Variants in GRIN3A observed in about 807,000 individuals in gnomAD.
GRIN3A encodes glutamate ionotropic receptor NMDA type subunit 3A.
GRIN3A carries 47 observed loss-of-function variants against 92.4 expected under a neutral mutation model. The ratio of observed to expected loss-of-function variants is 0.51; its 90% confidence interval spans 0.40 to 0.65. The LOEUF (loss-of-function observed/expected upper bound fraction) is 0.65. Ranked by LOEUF, GRIN3A falls within the 30% of genes least tolerant of loss-of-function variation. The pLI is 0.00. For synonymous variants in GRIN3A, 527 were observed against 540.6 expected, an observed-to-expected ratio of 0.97 and a Z score of 0.35; for missense variants, 1,324 against 1,393.1, an observed-to-expected ratio of 0.95 and a Z score of 0.79.
At position 101,577,328 on chromosome 9, in the gene GRIN3A, T is replaced by C. The variant is rs143286978; in HGVS notation, c.3008+440A>G. Among the ~76,000 whole-genome samples the C allele has an allele frequency of 6.6e-5, 10 of 152,076 alleles. No homozygotes were observed. In the East Asian group the frequency reaches 1.9e-3, roughly 29 times the overall value. On this transcript the variant is annotated intron_variant, in intron 8 of 8. Coordinates refer to ENST00000361820, the MANE Select transcript of GRIN3A (RefSeq NM_133445.3). ...TGCGGTATTCATTAATTCTTACATG[T>C]ATTTTGTACATAATAATAGCTAATA...
chr9:101,631,020 G>T (rs1049154990), intron 3 of GRIN3A, among the ~76,000 whole-genome samples: 1 of 145,858 alleles, frequency 6.9e-6, no homozygotes, highest in Non-Finnish European at 1.6e-5. Context: ...TTATTGTGTA[G>T]GCCAGATTCT....
At chr9:101,684,118 CTTT>C (rs763931757) in intron 2 of GRIN3A, among the ~76,000 whole-genome samples, 350 of 123,422 alleles carry the variant, frequency 2.8e-3, no homozygotes, top group African/African-American at 0.01. Context: ...TTCTTTCTTT[CTTT>C]TTTTTTTTGT....
intron 1 of GRIN3A, among the ~76,000 whole-genome samples, chr9:101,693,363 G>A (rs1182979109): frequency 6.6e-6 from 1 of 151,630 alleles, no homozygotes; most frequent in Non-Finnish European, 1.5e-5. Context: ...AGGTTGCAGT[G>A]AGTCAAGATT....
Position 101,663,971 on chromosome 9 carries a change from A to T in GRIN3A, c.2352+6089T>A, listed in dbSNP as rs373485267. 2.0e-5 allele frequency among the ~76,000 whole-genome samples: 3 copies of T among 151,814 alleles called. No homozygotes were observed. In the East Asian group the frequency reaches 5.8e-4, roughly 29 times the overall value. On this transcript the variant is annotated intron_variant, in intron 3 of 8. Transcript: ENST00000361820. Reference sequence around the variant, plus strand: ...AGCAAATAGCTAATTTTGAGTGTTCATGTATCCTTTCAGCTGAGCCAGTTC... The same window carrying T: ...AGCAAATAGCTAATTTTGAGTGTTCTTGTATCCTTTCAGCTGAGCCAGTTC...
intron 3 of GRIN3A, among the ~76,000 whole-genome samples, chr9:101,652,213 A>T (rs1829023956): frequency 6.6e-6 from 1 of 152,032 alleles, no homozygotes; most frequent in Non-Finnish European, 1.5e-5. Flanking sequence ...CACAAAACCC[A>T]GTTATGGAAC....
chr9:101,690,004 A>G (rs1829594813), intron 1 of GRIN3A, among the ~76,000 whole-genome samples: 1 of 152,218 alleles, frequency 6.6e-6, no homozygotes, highest in African/African-American at 2.4e-5. Flanking sequence ...ATCCAGAAAC[A>G]GAACAACTCA....
intron 6 of GRIN3A, among the ~76,000 whole-genome samples, chr9:101,597,595 T>C (rs969332140): frequency 3.9e-5 from 6 of 152,200 alleles, no homozygotes; most frequent in African/African-American, 1.4e-4. Context: ...TCTGTGTAGA[T>C]AGAATTGGTA....
Position 101,737,799 on chromosome 9 carries a change from C to T in GRIN3A, c.181G>A (p.Ala61Thr). ...GAVHLQPWTTAPRAASRAPDD... is the reference protein window; with the variant it reads ...GAVHLQPWTTTPRAASRAPDD... ...GGAGCGCGGCTGGCCGCGCGGGGGG[C>T]GGTGGTCCAGGGCTGCAAGTGCACC... is the stretch of plus-strand genomic sequence containing the variant. Residue 61 changes from alanine (A) to threonine (T), a missense_variant, in exon 1 of 9, where the codon GCC becomes ACC. Physicochemically the swap from Ala to Thr is moderately conservative, Grantham distance 58. Coordinates refer to ENST00000361820, the MANE Select transcript of GRIN3A (RefSeq NM_133445.3). 2.6e-6 allele frequency: 4 copies of T among 1,530,230 alleles called. No homozygotes were observed. The highest frequency in any genetic ancestry group is 3.5e-6 in the Non-Finnish European group (4 of 1,144,598). 94.8% of individuals were successfully genotyped at this position (1,530,230 alleles called of 1,614,324 possible). A position where few individuals can be genotyped will look rare whatever the true frequency, so the allele number is the denominator to read the frequency against.
intron 3 of GRIN3A, among the ~76,000 whole-genome samples, chr9:101,644,187 ACTT>A (rs1828902786): frequency 6.6e-6 from 1 of 151,958 alleles, no homozygotes; most frequent in Admixed American, 6.6e-5. Flanking sequence ...AAATTTGTTT[ACTT>A]ATTAAACTCC....
chr9:101,617,411 CAA>C (rs914457543), intron 5 of GRIN3A, among the ~76,000 whole-genome samples: 1 of 151,864 alleles, frequency 6.6e-6, no homozygotes, highest in Admixed American at 6.6e-5. Flanking sequence ...GGCACTACAA[CAA>C]AAGTGTTAAG....
chr9:101,636,736 ATAGAAT>A (rs1354100782), intron 3 of GRIN3A, among the ~76,000 whole-genome samples: 3 of 152,248 alleles, frequency 2.0e-5, no homozygotes, highest in Non-Finnish European at 4.4e-5. Context: ...GTGCCAGTTT[ATAGAAT>A]TAAAAGACAA....
chr9:101,727,119 G>A (rs1218219850), intron 1 of GRIN3A, among the ~76,000 whole-genome samples: 5 of 152,198 alleles, frequency 3.3e-5, no homozygotes, highest in Non-Finnish European at 5.9e-5. Flanking sequence ...TTCGGTAACA[G>A]TGTTTTTTCT....
chr9:101,645,304 C>T (rs1219492548), intron 3 of GRIN3A, among the ~76,000 whole-genome samples: 3 of 151,702 alleles, frequency 2.0e-5, no homozygotes, highest in African/African-American at 7.2e-5. Context: ...CCTCCAGTTC[C>T]ATCAGTTTTG....
chr9:101,727,727 C>T (rs1277278782), intron 1 of GRIN3A, among the ~76,000 whole-genome samples: 4 of 151,642 alleles, frequency 2.6e-5, no homozygotes, highest in African/African-American at 9.7e-5. Context: ...ACATTTTCCA[C>T]AGTCAAAAGA....
intron 3 of GRIN3A, among the ~76,000 whole-genome samples, chr9:101,663,825 T>A (rs905725084): frequency 2.0e-5 from 3 of 151,666 alleles, no homozygotes; most frequent in African/African-American, 7.3e-5. Context: ...ACAATGATAC[T>A]AGCTTCCTAT....
At chr9:101,582,120 T>C (rs1046374270) in intron 6 of GRIN3A, among the ~76,000 whole-genome samples, 1 of 152,324 alleles carries the variant, frequency 6.6e-6, no homozygotes, top group East Asian at 1.9e-4. Context: ...CCTCCCATTC[T>C]CTTTAAAGGT....
chr9:101,614,303 G>A (rs1469074443), intron 5 of GRIN3A, among the ~76,000 whole-genome samples: 1 of 152,120 alleles, frequency 6.6e-6, no homozygotes, highest in African/African-American at 2.4e-5. Context: ...CAGGAGATAC[G>A]TACAAAAATG....
chr9:101,586,394 A>T (rs1244953789), intron 6 of GRIN3A, among the ~76,000 whole-genome samples: 1 of 152,154 alleles, frequency 6.6e-6, no homozygotes, highest in Non-Finnish European at 1.5e-5. Context: ...GAAAACTAGG[A>T]TTTTTTGTAT....
chr9:101,708,943 C>T (rs1829843083), intron 1 of GRIN3A, among the ~76,000 whole-genome samples: 1 of 152,198 alleles, frequency 6.6e-6, no homozygotes, highest in Admixed American at 6.5e-5. Flanking sequence ...GAATCTTTAA[C>T]TCTTGTAAAT....
Sources: allele counts gnomAD v4.1 joint callset (sites outside exome capture counted in the v4.1 genomes callset), GRCh38; gene constraint gnomAD v4.1.1; transcripts MANE v1.5; gene names NCBI Gene and HGNC (gene_info 2026-07-23, HGNC 2026-07-21).